Variants in APOBEC1 observed in about 807,000 individuals in gnomAD.
APOBEC1 encodes C->U-editing enzyme APOBEC-1.
A neutral mutation model predicts 26.3 loss-of-function variants in APOBEC1; 22 were observed. The ratio of observed to expected loss-of-function variants is 0.84; its 90% CI spans 0.60 to 1.19. The LOEUF is 1.19. Among genes scored for constraint, APOBEC1 ranks in the 50% most tolerant of loss-of-function variants. APOBEC1 has a pLI of 0.00. For synonymous variants in APOBEC1, 77 were observed against 95.3 expected, an observed-to-expected ratio of 0.81 and a Z score of 1.12; for missense variants, 253 against 289.0, an observed-to-expected ratio of 0.88 and a Z score of 0.90.
chr12:7,656,788 G>A (rs1859271646), intron 1 of APOBEC1, among the ~76,000 whole-genome samples: 1 of 152,186 alleles, frequency 6.6e-6, no homozygotes, highest in Non-Finnish European at 1.5e-5. Flanking sequence ...CGCAGCAGAT[G>A]CTTCATAAAC....
rs796189012 is a variant in APOBEC1, at chr12:7,650,380, C to T, written c.561+643G>A. Among the ~76,000 whole-genome samples, 6 of 152,042 alleles carry T rather than the reference C, an allele frequency of 3.9e-5. No individual in the cohort carries two copies. The East Asian group carries it at 7.7e-4, about 20-fold the overall frequency. ...TGCTGTGATGGTGCCTGTGAATAGC[C>T]GCTACACCCCAGCCTAGGCAACACA... On this transcript the variant is annotated intron_variant, in intron 4 of 4. Transcript: ENST00000229304.
At chr12:7,665,772 C>CACACACAG (rs1364615073) in intron 1 of APOBEC1, 85 bp downstream of exon 1, 1 of 988,760 alleles carries the variant, frequency 1.0e-6, no homozygotes, top group African/African-American at 1.6e-5. Context: ...CACACACACA[C>CACACACAG]ACACACACAC....
At chr12:7,651,430 CA>C in intron 3 of APOBEC1, among the ~76,000 whole-genome samples, 1 of 151,854 alleles carries the variant, frequency 6.6e-6, no homozygotes, top group Non-Finnish European at 1.5e-5. Flanking sequence ...CTGCCTAACA[CA>C]GTGAAACCCC....
At chr12:7,669,128 A>G (rs1359370958), upstream of APOBEC1, among the ~76,000 whole-genome samples, 3 of 151,696 alleles carry the variant, frequency 2.0e-5, no homozygotes, top group Non-Finnish European at 4.4e-5. Context: ...TTTGACTATT[A>G]TAGAACTTCA....
chr12:7,651,957 AC>A (rs1415791369), intron 3 of APOBEC1, among the ~76,000 whole-genome samples: 1 of 152,030 alleles, frequency 6.6e-6, no homozygotes, highest in East Asian at 2.0e-4. Context: ...AGTAGCTGGG[AC>A]TACAGGCGCC....
intron 1 of APOBEC1, among the ~76,000 whole-genome samples, chr12:7,660,965 G>A (rs1236326604): frequency 1.4e-4 from 21 of 151,026 alleles, no homozygotes; most frequent in African/African-American, 3.2e-4. Context: ...AGGCGGAGGC[G>A]GGTGGATCAC....
chr12:7,654,523 G>A (rs377465246), intron 2 of APOBEC1, 82 bp downstream of exon 2: 105 of 1,403,712 alleles, frequency 7.5e-5, no homozygotes, highest in Middle Eastern at 5.4e-4. Context: ...GATTATAGGC[G>A]CATGTGCCAC....
chr12:7,660,145 A>C (rs776620724), intron 1 of APOBEC1, among the ~76,000 whole-genome samples: 1 of 150,774 alleles, frequency 6.6e-6, no homozygotes, highest in South Asian at 2.1e-4. Context: ...TCTACTAAAA[A>C]TACAAAAATT....
intron 1 of APOBEC1, among the ~76,000 whole-genome samples, chr12:7,663,740 G>C (rs1464915318): frequency 6.6e-6 from 1 of 152,132 alleles, no homozygotes; most frequent in Non-Finnish European, 1.5e-5. Context: ...CCACATGACT[G>C]GGGACAGTTT....
intron 1 of APOBEC1, among the ~76,000 whole-genome samples, chr12:7,659,373 TCACACACA>T (rs147840833): frequency 1.8e-5 from 2 of 114,086 alleles, no homozygotes; most frequent in African/African-American, 7.3e-5. Flanking sequence ...AATTTAAAAA[TCACACACA>T]CACACACACA....
At chr12:7,660,375 G>GGAAAGA (rs1555094886) in intron 1 of APOBEC1, among the ~76,000 whole-genome samples, 3 of 23,950 alleles carry the variant, frequency 1.3e-4, no homozygotes, top group African/African-American at 3.8e-4. Context: ...AAGGAAGGAA[G>GGAAAGA]GAAAGAAAGA....
chr12:7,658,242 T>G (rs1863744345), intron 1 of APOBEC1, among the ~76,000 whole-genome samples: 1 of 152,138 alleles, frequency 6.6e-6, no homozygotes, highest in Non-Finnish European at 1.5e-5. Flanking sequence ...TTTTGTATTT[T>G]TAGTAGAGAC....
intron 3 of APOBEC1, among the ~76,000 whole-genome samples, chr12:7,652,082 A>C (rs1160900883): frequency 2.0e-5 from 3 of 152,106 alleles, no homozygotes; most frequent in African/African-American, 7.2e-5. Context: ...TCGGCCTCCC[A>C]AAGTGCTGGG....
intron 1 of APOBEC1, among the ~76,000 whole-genome samples, chr12:7,660,379 A>G (rs200568026): frequency 0.07 from 1,848 of 26,582 alleles, 23 homozygotes; most frequent in Middle Eastern, 0.2. Flanking sequence ...AAGGAAGGAA[A>G]GAAAGAAAGA....
At chr12:7,654,930 C>T (rs759419040) in intron 1 of APOBEC1, among the ~76,000 whole-genome samples, 7 of 152,290 alleles carry the variant, frequency 4.6e-5, no homozygotes, top group Admixed American at 2.0e-4. Flanking sequence ...TCTTAGAGGC[C>T]GGGTGCGGTG....
intron 1 of APOBEC1, among the ~76,000 whole-genome samples, chr12:7,660,481 T>TG (rs1863801594): frequency 6.6e-6 from 1 of 151,058 alleles, no homozygotes; most frequent in South Asian, 2.1e-4. Flanking sequence ...CCTAGGTGGG[T>TG]GGATCACCTG....
chr12:7,656,003 TTTG>T (rs1863709647), intron 1 of APOBEC1, among the ~76,000 whole-genome samples: 2 of 152,150 alleles, frequency 1.3e-5, no homozygotes, highest in East Asian at 3.9e-4. Flanking sequence ...TTTTATTTCA[TTTG>T]TTATTTTTTT....
rs760282110 is a variant in APOBEC1 at position 7,652,691 on chromosome 12, T to C, written c.189A>G (p.Glu63=). 6.2e-7 allele frequency: 1 copy of C among 1,614,136 alleles called. No homozygotes were observed. The highest frequency in any genetic ancestry group is 2.2e-5 in the East Asian group (1 of 44,888). ...SSGKNTTNHV[E]VNFIKKFTSE... is the part of the protein sequence containing the mutation. ...ACGTAAATTTTTTTATAAAATTAAC[T>C]TCCACGTGATTGGTGGTGTTTTTGC... The change falls in exon 3 of 5, where the codon GAA becomes GAG. Residue 63 remains glutamate (E), a synonymous_variant. Coordinates refer to ENST00000229304, the MANE Select transcript of APOBEC1 (RefSeq NM_001644.5).
At position 7,649,714 on chromosome 12, in the gene APOBEC1, T is replaced by C; in HGVS notation, c.562-18A>G. The C allele has an allele frequency of 6.4e-7, 1 of 1,560,150 alleles. No homozygotes were observed. ...GGAAGACTCTGGAATAAAAAAGGAT[T>C]ATATTTAATCCTTAGGATGAATATT... On this transcript the variant is annotated intron_variant, in intron 4 of 4. Coordinates refer to ENST00000229304, the MANE Select transcript of APOBEC1 (RefSeq NM_001644.5).
Sources: gnomAD v4.1 joint callset for allele counts (sites outside exome capture counted in the v4.1 genomes callset) on GRCh38, gnomAD v4.1.1 for gene constraint, MANE v1.5 for transcripts, NCBI Gene and HGNC (gene_info 2026-07-23, HGNC 2026-07-21) for gene names.